The following EPC2 variants were observed in gnomAD, a reference collection of about 807,000 sequenced individuals.
EPC2 encodes the protein enhancer of polycomb 2, also known as enhancer of polycomb homolog 2.
Under a neutral mutation model 92.1 loss-of-function variants are expected in EPC2, and 14 were observed. The ratio of observed to expected loss-of-function variants is 0.15; its 90% CI spans 0.10 to 0.24. The LOEUF is 0.24. EPC2 is among the 10% of genes least tolerant of loss of function. The probability of loss-of-function intolerance (pLI) is 1.00; values close to 1 mark genes in which losing one functional copy is unlikely to be tolerated. For missense variants in EPC2, 755 were observed against 971.5 expected (o/e 0.78, Z 2.96); for synonymous variants, 340 against 334.7 (o/e 1.02, Z -0.17).
intron 3 of EPC2, among the ~76,000 whole-genome samples, chr2:148,752,829 A>C (rs1378192391): frequency 6.6e-6 from 1 of 152,202 alleles, no homozygotes; most frequent in Non-Finnish European, 1.5e-5. Context: ...GTGAATTTTG[A>C]GTTCTTCAAT....
intron 1 of EPC2, among the ~76,000 whole-genome samples, chr2:148,659,235 G>T (rs548235662): frequency 6.6e-6 from 1 of 152,166 alleles, no homozygotes; most frequent in East Asian, 1.9e-4. Context: ...TTCTGGGTTT[G>T]TTTTGTTTTG....
intron 1 of EPC2, among the ~76,000 whole-genome samples, chr2:148,648,303 A>G (rs1475271760): frequency 6.6e-6 from 1 of 152,146 alleles, no homozygotes; most frequent in Admixed American, 6.5e-5. Context: ...CAGCAAATTC[A>G]TTTCTCTGGT....
Position 148,781,747 on chromosome 2 carries a change from G to A in EPC2, c.1824G>A (p.Gln608=). 6 of 1,613,914 alleles carry A rather than the reference G, an allele frequency of 3.7e-6. No homozygotes were observed. Among genetic ancestry groups the A allele is most frequent in the Non-Finnish European group, 5.1e-6 (6 of 1,179,872 alleles). ...LAQLQQKQQS[Q]HSSQQTHPKA... is the part of the protein sequence containing the mutation. ...AGCTTCAGCAGAAACAGCAATCTCA[G>A]CATTCCTCGCAACAGACACATCCAA... The change falls in exon 11 of 14, where the codon CAG becomes CAA. Residue 608 remains glutamine, a synonymous_variant. Coordinates refer to ENST00000258484, the MANE Select transcript of EPC2 (RefSeq NM_015630.4).
At chr2:148,659,967 A>T (rs1375680743) in intron 1 of EPC2, among the ~76,000 whole-genome samples, 1 of 152,146 alleles carries the variant, frequency 6.6e-6, no homozygotes, top group Non-Finnish European at 1.5e-5. Context: ...GATTGTTTAC[A>T]TTATATTCTG....
At chr2:148,774,294 C>A (rs939153896) in intron 10 of EPC2, among the ~76,000 whole-genome samples, 3 of 152,126 alleles carry the variant, frequency 2.0e-5, no homozygotes, top group East Asian at 1.9e-4. Flanking sequence ...TTAATATAAA[C>A]CCTGATTAAC....
chr2:148,728,172 G>A (rs1682535426), intron 2 of EPC2, among the ~76,000 whole-genome samples: 1 of 151,956 alleles, frequency 6.6e-6, no homozygotes, highest in Admixed American at 6.6e-5. Flanking sequence ...GAATTCCTAG[G>A]CTCAAGCAGT....
chr2:148,721,888 TTC>T (rs1297774148), intron 2 of EPC2, among the ~76,000 whole-genome samples: 82 of 88,076 alleles, frequency 9.3e-4, no homozygotes, highest in African/African-American at 2.9e-3. Context: ...CTGTTTTGAT[TTC>T]TTTTTTTTTT....
intron 2 of EPC2, among the ~76,000 whole-genome samples, chr2:148,709,074 A>G (rs1393805903): frequency 1.3e-5 from 2 of 152,216 alleles, no homozygotes; most frequent in African/African-American, 4.8e-5. Flanking sequence ...TGCAGATGAC[A>G]TGATTATATA....
chr2:148,773,258 A>C (rs2105433267), intron 10 of EPC2, among the ~76,000 whole-genome samples: 1 of 152,154 alleles, frequency 6.6e-6, no homozygotes, highest in East Asian at 1.9e-4. Flanking sequence ...ATAAGCATTT[A>C]AACTGTTATC....
At chr2:148,755,317 T>C (rs2028918) in intron 4 of EPC2, among the ~76,000 whole-genome samples, 23,912 of 152,062 alleles carry the variant, frequency 0.16, 2,616 homozygotes, top group East Asian at 0.46. Flanking sequence ...TTCATAAATA[T>C]ATTAAGACTT....
intron 2 of EPC2, among the ~76,000 whole-genome samples, chr2:148,723,076 A>G (rs1325594809): frequency 6.6e-6 from 1 of 152,180 alleles, no homozygotes; most frequent in African/African-American, 2.4e-5. Context: ...ATTGGGTTCT[A>G]TGTTTATTAC....
At chr2:148,776,842 C>T (rs1439255062) in intron 10 of EPC2, among the ~76,000 whole-genome samples, 5 of 141,498 alleles carry the variant, frequency 3.5e-5, no homozygotes, top group Admixed American at 2.2e-4. Flanking sequence ...CATAGCAAGA[C>T]CCTGTCTCTC....
At chr2:148,705,101 T>G (rs960647874) in intron 2 of EPC2, among the ~76,000 whole-genome samples, 2 of 152,118 alleles carry the variant, frequency 1.3e-5, no homozygotes, top group African/African-American at 2.4e-5. Flanking sequence ...TTGTTTATCT[T>G]TCAAAGAAAA....
chr2:148,758,989 A>G (rs889685838), intron 4 of EPC2, among the ~76,000 whole-genome samples: 2 of 152,226 alleles, frequency 1.3e-5, no homozygotes, highest in African/African-American at 2.4e-5. Flanking sequence ...GATACAGAAA[A>G]CAATTGTAAG....
intron 3 of EPC2, among the ~76,000 whole-genome samples, chr2:148,751,110 A>G (rs1405363683): frequency 1.3e-5 from 2 of 152,050 alleles, no homozygotes; most frequent in Non-Finnish European, 2.9e-5. Flanking sequence ...TCTTCCCCAC[A>G]TTCTATAACC....
At chr2:148,747,629 A>G (rs557381712) in intron 3 of EPC2, among the ~76,000 whole-genome samples, 1 of 152,214 alleles carries the variant, frequency 6.6e-6, no homozygotes, top group African/African-American at 2.4e-5. Context: ...TGCAGTGTTT[A>G]AGGTTACCAG....
intron 4 of EPC2, 50 bp downstream of exon 4, chr2:148,754,183 T>C: frequency 1.5e-6 from 2 of 1,364,830 alleles, no homozygotes; most frequent in South Asian, 2.8e-5. Flanking sequence ...GTATTCAAGA[T>C]CAATCTTTTT....
rs902744184 is a variant in EPC2 at position 148,769,159 on chromosome 2, C to T, written c.1149C>T (p.Ser383=). 2 of 1,611,202 alleles carry T rather than the reference C, an allele frequency of 1.2e-6. No homozygotes were observed. The highest frequency in any genetic ancestry group is 2.2e-5 in the East Asian group (1 of 44,834). Reference sequence around the variant, plus strand: ...ATGCCTCTTTTGTCTAGGTATTGTCCCCAGTATCAGAACCGGAAGAAGAAA... The same window carrying T: ...ATGCCTCTTTTGTCTAGGTATTGTCTCCAGTATCAGAACCGGAAGAAGAAA... ...SDEDEFPQVL[S]PVSEPEEEND... is the part of the protein sequence containing the mutation. The change falls in exon 8 of 14, where the codon TCC becomes TCT. Residue 383 remains serine (S), a synonymous_variant. Coordinates refer to ENST00000258484, the MANE Select transcript of EPC2 (RefSeq NM_015630.4).
At chr2:148,766,254 T>G (rs1683406075) in intron 7 of EPC2, among the ~76,000 whole-genome samples, 1 of 152,216 alleles carries the variant, frequency 6.6e-6, no homozygotes, top group Admixed American at 6.5e-5. Flanking sequence ...TAGATATGTT[T>G]GAAAGCAAGA....
Sources: gnomAD v4.1 joint callset for allele counts (sites outside exome capture counted in the v4.1 genomes callset) on GRCh38, gnomAD v4.1.1 for gene constraint, MANE v1.5 for transcripts, NCBI Gene and HGNC (gene_info 2026-07-23, HGNC 2026-07-21) for gene names.